The following JPH2 variants were observed in gnomAD, a reference collection of about 807,000 sequenced individuals.
JPH2 encodes junctophilin-2.
Under a neutral mutation model 55.9 loss-of-function variants are expected in JPH2, and 38 were observed. That is an observed-to-expected ratio of 0.68 (90% confidence interval 0.52 to 0.89). The LOEUF is 0.89. Ranked by LOEUF, JPH2 falls within the 40% of genes least tolerant of loss-of-function variation. JPH2 has a pLI of 0.00. For missense variants in JPH2, 964 were observed against 1,037.6 expected, an observed-to-expected ratio of 0.93 and a Z score of 0.97; for synonymous variants, 480 against 472.4, an observed-to-expected ratio of 1.02 and a Z score of -0.21.
chr20:44,178,017 C>T, intron 1 of JPH2: 1 of 833,474 alleles, frequency 1.2e-6, no homozygotes, highest in Non-Finnish European at 2.1e-6. Flanking sequence ...TTACATGGTG[C>T]ACCCAGGTTC....
chr20:44,171,413 A>G (rs1183731541), intron 1 of JPH2, among the ~76,000 whole-genome samples: 6 of 152,248 alleles, frequency 3.9e-5, no homozygotes, highest in Middle Eastern at 3.4e-3. Flanking sequence ...TCAGCTGCTA[A>G]CACTCCTGGC....
chr20:44,163,534 T>A lies in JPH2; in HGVS notation c.380-3127A>T, dbSNP rs540385521. Among the ~76,000 whole-genome samples the A allele has an allele frequency of 1.2e-3, 178 of 152,254 alleles. 1 individual carries two copies. The highest frequency in any genetic ancestry group is 2.0e-3 in the Non-Finnish European group (135 of 68,010). ...CCCCATTAAGGATCAAGAACCCCCA[T>A]TAAGGATCATGTACAATGCCAGGGG... is the stretch of plus-strand genomic sequence containing the variant. On this transcript the variant is annotated intron_variant, in intron 1 of 5. Coordinates refer to ENST00000372980, the MANE Select transcript of JPH2 (RefSeq NM_020433.5).
rs756436998 is a variant in JPH2, at chr20:44,159,567, C to A, written c.1169+51G>T. On this transcript the variant is annotated intron_variant, in intron 2 of 5. Transcript: ENST00000372980. The surrounding 1 kb of genome is among the most constrained non-coding windows in gnomAD (Gnocchi z 5.7). ...CCTCCTAGGTTGCCCTGCCCCAGGA[C>A]CCCCTTCTCCGAGGGGAGGCGACCC... The A allele has an allele frequency of 1.3e-6, 2 of 1,546,774 alleles. No homozygotes were observed. Among genetic ancestry groups the A allele is most frequent in the Non-Finnish European group, 8.7e-7 (1 of 1,147,584 alleles).
intron 2 of JPH2, among the ~76,000 whole-genome samples, chr20:44,148,801 C>T (rs1010559635): frequency 1.3e-5 from 2 of 152,054 alleles, no homozygotes; most frequent in African/African-American, 2.4e-5. Flanking sequence ...TGGTGGCTCA[C>T]GCCTGTAATC....
In JPH2 at chr20:44,159,571, C is replaced by T. The variant is rs1388063997; in HGVS notation, c.1169+47G>A. Reference sequence around the variant, plus strand: ...CTAGGTTGCCCTGCCCCAGGACCCCCTTCTCCGAGGGGAGGCGACCCCTTC... The same window carrying T: ...CTAGGTTGCCCTGCCCCAGGACCCCTTTCTCCGAGGGGAGGCGACCCCTTC... On this transcript the variant is annotated intron_variant, in intron 2 of 5. Coordinates refer to ENST00000372980, the MANE Select transcript of JPH2 (RefSeq NM_020433.5). The surrounding 1 kb of genome is among the most constrained non-coding windows in gnomAD (Gnocchi z 5.7). 2 of 1,560,150 alleles carry T rather than the reference C, an allele frequency of 1.3e-6. No homozygotes were observed. The highest frequency in any genetic ancestry group is 1.4e-5 in the African/African-American group (1 of 73,762).
At chr20:44,163,589 G>A (rs1459425067) in intron 1 of JPH2, among the ~76,000 whole-genome samples, 1 of 152,172 alleles carries the variant, frequency 6.6e-6, no homozygotes, top group Non-Finnish European at 1.5e-5. Context: ...GTCCTGTGAG[G>A]TGAGTCCCAT....
chr20:44,176,153 C>T (rs953105349), intron 1 of JPH2, among the ~76,000 whole-genome samples: 1 of 152,160 alleles, frequency 6.6e-6, no homozygotes, highest in East Asian at 1.9e-4. Flanking sequence ...TCTGCTACTA[C>T]AAGGTAGTGG....
At chr20:44,176,011 A>AC (rs1269212617) in intron 1 of JPH2, among the ~76,000 whole-genome samples, 2 of 152,034 alleles carry the variant, frequency 1.3e-5, no homozygotes, top group African/African-American at 2.4e-5. Context: ...TCAAACCCTC[A>AC]CCCCATCTCA....
chr20:44,160,399 G>C lies in JPH2; in HGVS notation c.388C>G (p.Gln130Glu). Residue 130 changes from glutamine to glutamate, a missense_variant, in exon 2 of 6, where the codon CAA becomes GAA. Physicochemically the swap from Gln to Glu is conservative, Grantham distance 29. Transcript: ENST00000372980. The surrounding 1 kb of genome is among the most constrained non-coding windows in gnomAD (Gnocchi z 4.9). ...CGCATGCCGTTGGTGAACTGGCCTT[G>C]GTACGTCCCTGCGGGCGAGGAGAGG... ...TETYADGGTY[Q>E]GQFTNGMRHG... The C allele has an allele frequency of 1.2e-6, 2 of 1,609,270 alleles. No homozygotes were observed. The highest frequency in any genetic ancestry group is 1.7e-6 in the Non-Finnish European group (2 of 1,178,584).
chr20:44,125,137 A>AT (rs2072266956), intron 2 of JPH2, among the ~76,000 whole-genome samples: 2 of 150,776 alleles, frequency 1.3e-5, no homozygotes, highest in Admixed American at 6.6e-5. Context: ...AAAAAGTAAC[A>AT]TTTTGTGACA....
intron 4 of JPH2, among the ~76,000 whole-genome samples, chr20:44,115,131 G>C (rs1287385545): frequency 6.6e-6 from 1 of 152,228 alleles, no homozygotes; most frequent in East Asian, 1.9e-4. Flanking sequence ...GTGTGAATCA[G>C]GCCTGGAACC....
rs1444031151 is a variant in JPH2, at chr20:44,108,377, T to G, written c.*5141A>C. ...TCTGTGAGTCTTTCTAGTGAATTAT[T>G]GAGTATGAGGATAATCATAGGAACC... On this transcript the variant is annotated 3_prime_UTR_variant, in exon 6 of 6. Coordinates refer to ENST00000372980, the MANE Select transcript of JPH2 (RefSeq NM_020433.5). Among the ~76,000 whole-genome samples, 3 of 151,880 alleles carry G rather than the reference T, an allele frequency of 2.0e-5. No homozygotes were observed. The highest frequency in any genetic ancestry group is 2.9e-5 in the Non-Finnish European group (2 of 68,028).
At chr20:44,140,818 T>C (rs1358497503) in intron 2 of JPH2, among the ~76,000 whole-genome samples, 1 of 152,190 alleles carries the variant, frequency 6.6e-6, no homozygotes, top group Non-Finnish European at 1.5e-5. Context: ...TGAATGACTG[T>C]GGTGTACAGT....
chr20:44,134,878 A>ATATATATTAATATATATT (rs1235631605), intron 2 of JPH2, among the ~76,000 whole-genome samples: 1 of 12,548 alleles, frequency 8.0e-5, no homozygotes, highest in East Asian at 3.9e-3. Flanking sequence ...ATATATATTT[A>ATATATATTAATATATATT]TATATATATT....
chr20:44,164,794 G>A (rs1451635406), intron 1 of JPH2, among the ~76,000 whole-genome samples: 1 of 151,274 alleles, frequency 6.6e-6, no homozygotes, highest in African/African-American at 2.4e-5. Flanking sequence ...AGGGCACAGG[G>A]AAACTTCCTG....
chr20:44,158,723 T>C (rs549877780), intron 2 of JPH2, among the ~76,000 whole-genome samples: 1 of 152,098 alleles, frequency 6.6e-6, no homozygotes, highest in East Asian at 1.9e-4. Flanking sequence ...GGAGGTTGAA[T>C]GAATAGAAGT....
chr20:44,143,553 C>T (rs746598932), intron 2 of JPH2, among the ~76,000 whole-genome samples: 12 of 152,216 alleles, frequency 7.9e-5, no homozygotes, highest in Non-Finnish European at 1.6e-4. Flanking sequence ...GAGCTGGATC[C>T]AGTCCCCGTG....
At chr20:44,180,334 TA>T (rs1199255779) in intron 1 of JPH2, among the ~76,000 whole-genome samples, 5 of 150,158 alleles carry the variant, frequency 3.3e-5, no homozygotes, top group Middle Eastern at 6.4e-3. Flanking sequence ...TTATTATATT[TA>T]TTTTATTTTT....
chr20:44,120,671 C>A (rs527332994), intron 2 of JPH2, among the ~76,000 whole-genome samples: 1 of 151,972 alleles, frequency 6.6e-6, no homozygotes, highest in Admixed American at 6.6e-5. Context: ...CTTCCATGGG[C>A]CAGAAGAAGA....
Sources: gnomAD v4.1 joint callset for allele counts (sites outside exome capture counted in the v4.1 genomes callset) on GRCh38, gnomAD v4.1.1 for gene constraint, Gnocchi (gnomAD v3.1) non-coding constraint, MANE v1.5 for transcripts, NCBI Gene and HGNC (gene_info 2026-07-23, HGNC 2026-07-21) for gene names.